The following THSD4 variants were observed in gnomAD, a reference collection of about 807,000 sequenced individuals.
The protein encoded by THSD4 is thrombospondin type 1 domain containing 4.
In THSD4, 69 loss-of-function variants were observed where a neutral mutation model predicts 119.0. The ratio of observed to expected loss-of-function variants is 0.58; its 90% confidence interval spans 0.48 to 0.71. The LOEUF is 0.71. THSD4 is among the 30% of genes least tolerant of loss of function. The probability of loss-of-function intolerance (pLI) is 0.00; values close to 1 mark genes in which losing one functional copy is unlikely to be tolerated. For missense variants in THSD4, 1,393 were observed against 1,391.1 expected, an observed-to-expected ratio of 1.00 and a Z score of -0.02; for synonymous variants, 524 against 540.4, an observed-to-expected ratio of 0.97 and a Z score of 0.42.
chr15:71,321,883 C>T (rs2045273962), intron 6 of THSD4, among the ~76,000 whole-genome samples: 1 of 151,598 alleles, frequency 6.6e-6, no homozygotes, highest in African/African-American at 2.4e-5. Flanking sequence ...TCAATATGGG[C>T]AAAAAATTTT....
intron 10 of THSD4, chr15:71,732,631 A>G (rs1038336866): frequency 1.3e-5 from 2 of 152,214 alleles, no homozygotes; most frequent in Non-Finnish European, 2.9e-5. Flanking sequence ...TTCTCATGAC[A>G]GAGGGAGGTA....
At chr15:71,258,303 C>T (rs563990780) in intron 6 of THSD4, among the ~76,000 whole-genome samples, 21 of 152,222 alleles carry the variant, frequency 1.4e-4, no homozygotes, top group South Asian at 4.1e-4. Flanking sequence ...CTTAGCCTCC[C>T]GAGTAGCTGG....
At chr15:71,279,115 G>A (rs902758625) in intron 6 of THSD4, among the ~76,000 whole-genome samples, 4 of 152,196 alleles carry the variant, frequency 2.6e-5, no homozygotes, top group Non-Finnish European at 4.4e-5. Context: ...CTGTGATCAC[G>A]TGGCCTGCCT....
chr15:71,660,383 T>C (rs140494072), intron 7 of THSD4, 147 bp from the exon 8 acceptor site: 130 of 860,454 alleles, frequency 1.5e-4, no homozygotes, highest in Non-Finnish European at 2.1e-4. Flanking sequence ...TTGTCTGGTT[T>C]ACCGTCTGTG....
At chr15:71,715,187 G>A (rs2052583694) in intron 8 of THSD4, among the ~76,000 whole-genome samples, 4 of 152,282 alleles carry the variant, frequency 2.6e-5, no homozygotes, top group African/African-American at 9.6e-5. Context: ...CAAAGTTTGG[G>A]TTCATTTGTG....
chr15:71,118,137 GA>G (rs547537918), intron 1 of THSD4, among the ~76,000 whole-genome samples: 2 of 152,058 alleles, frequency 1.3e-5, no homozygotes, highest in Non-Finnish European at 2.9e-5. Flanking sequence ...GCAGAGGAAA[GA>G]GCTCGAGGAA....
chr15:71,599,487 A>G (rs1338825451), intron 7 of THSD4, among the ~76,000 whole-genome samples: 2 of 152,216 alleles, frequency 1.3e-5, no homozygotes, highest in Non-Finnish European at 2.9e-5. Flanking sequence ...GTTCAAACCC[A>G]GGCAAACTGT....
In THSD4 at chr15:71,402,691, A is replaced by G. The variant is rs148109566; in HGVS notation, c.1016-8996A>G. On this transcript the variant is annotated intron_variant, in intron 6 of 17. Coordinates refer to ENST00000261862, the MANE Select transcript of THSD4 (RefSeq NM_024817.3). ...TCCCTGGAGAGGAGGCTTAACCTTG[A>G]GGGAGGCAGCTCCCTCAGGCACAGC... is the stretch of plus-strand genomic sequence containing the variant. Among the ~76,000 whole-genome samples the G allele has an allele frequency of 9.3e-3, 1,411 of 152,292 alleles. 22 individuals are homozygous for G. The highest frequency in any genetic ancestry group is 0.032 in the African/African-American group (1,340 of 41,554).
intron 6 of THSD4, among the ~76,000 whole-genome samples, chr15:71,409,203 G>C (rs1363168704): frequency 6.6e-6 from 1 of 151,244 alleles, no homozygotes; most frequent in Non-Finnish European, 1.5e-5. Flanking sequence ...AAATATTGAG[G>C]AATAAAATTC....
intron 7 of THSD4, among the ~76,000 whole-genome samples, chr15:71,602,624 G>A (rs1443125832): frequency 6.7e-6 from 1 of 149,486 alleles, no homozygotes; most frequent in Non-Finnish European, 1.5e-5. Context: ...ATCCTATAAG[G>A]TAAATGTTAC....
chr15:71,235,587 T>C (rs1047482497), intron 4 of THSD4, among the ~76,000 whole-genome samples: 35 of 148,622 alleles, frequency 2.4e-4, no homozygotes, highest in African/African-American at 7.4e-4. Context: ...CTCTCTCTTT[T>C]TTTTTTTTTT....
intron 7 of THSD4, among the ~76,000 whole-genome samples, chr15:71,546,765 G>T (rs2048843435): frequency 6.6e-6 from 1 of 152,196 alleles, no homozygotes; most frequent in South Asian, 2.1e-4. Flanking sequence ...CCCTGTTGAG[G>T]CTGCCCTTGA....
intron 1 of THSD4, among the ~76,000 whole-genome samples, chr15:71,133,129 G>A (rs1025328214): frequency 1.6e-4 from 24 of 152,206 alleles, no homozygotes; most frequent in African/African-American, 5.8e-4. Flanking sequence ...TCTTGGCAGC[G>A]GATGCTGGGA....
intron 3 of THSD4, among the ~76,000 whole-genome samples, chr15:71,211,873 C>T (rs1280232811): frequency 2.0e-5 from 3 of 152,160 alleles, no homozygotes; most frequent in East Asian, 3.8e-4. Flanking sequence ...ATTTTTGTCT[C>T]TTACCATGAT....
At chr15:71,773,354 T>G (rs2053859089) in intron 17 of THSD4, among the ~76,000 whole-genome samples, 1 of 152,204 alleles carries the variant, frequency 6.6e-6, no homozygotes, top group Non-Finnish European at 1.5e-5. Context: ...TAGGAATGAC[T>G]GGCATAAGCA....
intron 7 of THSD4, among the ~76,000 whole-genome samples, chr15:71,537,506 A>G (rs748191650): frequency 6.6e-5 from 10 of 152,154 alleles, no homozygotes; most frequent in African/African-American, 1.9e-4. Context: ...TCACAAGCCA[A>G]TCTCTCTAAT....
intron 6 of THSD4, chr15:71,341,845 G>T: frequency 1.6e-6 from 1 of 642,630 alleles, no homozygotes; most frequent in South Asian, 1.8e-5. Context: ...CACCTACTAG[G>T]TTTTTATTAT....
intron 4 of THSD4, among the ~76,000 whole-genome samples, chr15:71,226,544 C>G (rs972342478): frequency 6.6e-6 from 1 of 152,214 alleles, no homozygotes. Flanking sequence ...TTTTCAGCTC[C>G]TCCTTTCCCA....
intron 7 of THSD4, among the ~76,000 whole-genome samples, chr15:71,500,215 T>C (rs935240948): frequency 3.9e-5 from 6 of 152,198 alleles, no homozygotes; most frequent in African/African-American, 1.4e-4. Context: ...GGTTTTGATT[T>C]GTATTTCCTT....
Sources: gnomAD v4.1 joint callset for allele counts (sites outside exome capture counted in the v4.1 genomes callset) on GRCh38, gnomAD v4.1.1 for gene constraint, MANE v1.5 for transcripts, NCBI Gene and HGNC (gene_info 2026-07-23, HGNC 2026-07-21) for gene names.